The following CBLL1 variants were observed in gnomAD, a reference collection of about 807,000 sequenced individuals.
The protein encoded by CBLL1 is E3 ubiquitin-protein ligase Hakai.
CBLL1 carries 4 observed loss-of-function variants against 44.9 expected under a neutral mutation model. The observed-to-expected ratio is 0.09, with a 90% confidence interval of 0.04 to 0.20. The LOEUF (loss-of-function observed/expected upper bound fraction) is 0.20, where lower values mean the gene tolerates loss of function less well. Ranked by LOEUF, CBLL1 falls within the 10% of genes least tolerant of loss-of-function variation. CBLL1 has a pLI of 1.00. For missense variants in CBLL1, 569 were observed against 636.7 expected, an observed-to-expected ratio of 0.89 and a Z score of 1.14; for synonymous variants, 235 against 202.2, an observed-to-expected ratio of 1.16 and a Z score of -1.38.
At position 107,753,342 on chromosome 7, in the gene CBLL1, A is replaced by G. The variant is rs1012141448; in HGVS notation, c.182-69A>G. 3.0e-6 allele frequency: 3 copies of G among 995,134 alleles called. No homozygotes were observed. In the Admixed American group the frequency reaches 7.7e-5, roughly 25 times the overall value. 61.6% of individuals were successfully genotyped at this position (995,134 alleles called of 1,614,324 possible). A position where few individuals can be genotyped will look rare whatever the true frequency, so the allele number is the denominator to read the frequency against. On this transcript the variant is annotated intron_variant, in intron 2 of 5. Coordinates refer to ENST00000440859, the MANE Select transcript of CBLL1 (RefSeq NM_024814.4). ...TTTTAGTGAAAAGGTCTATTTTGCC[A>G]TGTATATGTGCTTCCAAAATGAAAT...
intron 2 of CBLL1, chr7:107,749,336 C>T (rs933540351): frequency 9.6e-6 from 2 of 207,844 alleles, no homozygotes; most frequent in Non-Finnish European, 1.9e-5. Flanking sequence ...CAAAGATAAT[C>T]CCTGTTGACT....
chr7:107,752,883 A>G (rs1793367085), intron 2 of CBLL1, among the ~76,000 whole-genome samples: 1 of 152,238 alleles, frequency 6.6e-6, no homozygotes, highest in South Asian at 2.1e-4. Flanking sequence ...TAAAGTGTCT[A>G]AATCACTCAT....
chr7:107,752,461 T>TGC, intron 2 of CBLL1: 3 of 518,530 alleles, frequency 5.8e-6, no homozygotes, highest in South Asian at 4.7e-5. Flanking sequence ...TGTGTGTGTG[T>TGC]GTGTCTGTGT....
rs943500757 is a variant in CBLL1, at chr7:107,748,917, G to C, written c.51G>C (p.Leu17Phe). The C allele has an allele frequency of 1.2e-6, 2 of 1,613,290 alleles. No individual in the cohort carries two copies. Among genetic ancestry groups the C allele is most frequent in the Admixed American group, 1.7e-5 (1 of 59,892 alleles). Reference protein sequence around the residue: ...ELQGTNSSGSLGGLDVRRRIP... With the variant: ...ELQGTNSSGSFGGLDVRRRIP... ...AAGGCACTAATAGTTCTGGATCCTT[G>C]GGTGGTCTTGATGTTCGCAGACGAA... The change falls in exon 2 of 6, where the codon TTG becomes TTC. Residue 17 changes from leucine to phenylalanine, a missense_variant. Coordinates refer to ENST00000440859, the MANE Select transcript of CBLL1 (RefSeq NM_024814.4).
intron 5 of CBLL1, 126 bp downstream of exon 5, chr7:107,755,617 C>A: frequency 2.1e-6 from 1 of 467,354 alleles, no homozygotes; most frequent in Non-Finnish European, 3.8e-6. Flanking sequence ...CATGGCTAAT[C>A]TTTTTCTGTG....
intron 4 of CBLL1, 139 bp downstream of exon 4, chr7:107,754,117 G>T: frequency 2.3e-6 from 1 of 426,138 alleles, no homozygotes; most frequent in Non-Finnish European, 4.2e-6. Flanking sequence ...GGGAAGTATT[G>T]GAATACTATG....
intron 1 of CBLL1, 139 bp downstream of exon 1, chr7:107,744,315 T>A: frequency 9.2e-7 from 1 of 1,090,928 alleles, no homozygotes; most frequent in Non-Finnish European, 1.3e-6. Flanking sequence ...CACAGATGCC[T>A]TCCTGTGCCC....
At chr7:107,752,694 C>A in intron 2 of CBLL1, 3 of 710,996 alleles carry the variant, frequency 4.2e-6, no homozygotes, top group Non-Finnish European at 5.9e-6. Context: ...GAGAAGATTG[C>A]CATCAACTTT....
intron 3 of CBLL1, 146 bp from the exon 4 acceptor site, chr7:107,753,749 A>T: frequency 3.7e-6 from 2 of 533,692 alleles, no homozygotes; most frequent in Non-Finnish European, 6.3e-6. Context: ...ATCACAACTA[A>T]TGGTGGGGAA....
chr7:107,748,887 G>GT lies in CBLL1; in HGVS notation c.23dup (p.Leu8PhefsTer5). 1 of 1,600,894 alleles carries GT rather than the reference G, an allele frequency of 6.2e-7. No individual in the cohort carries two copies. The highest frequency in any genetic ancestry group is 8.5e-7 in the Non-Finnish European group (1 of 1,175,116). ...TTTTTTTTCCTAACACAGACAATGA[G>GT]TTACAAGGCACTAATAGTTCTGGAT... On this transcript the variant is annotated frameshift_variant, in exon 2 of 6. Coordinates refer to ENST00000440859, the MANE Select transcript of CBLL1 (RefSeq NM_024814.4). LOFTEE classifies it high-confidence loss of function.
intron 5 of CBLL1, among the ~76,000 whole-genome samples, chr7:107,756,729 G>A (rs1793545057): frequency 6.6e-6 from 1 of 152,018 alleles, no homozygotes; most frequent in African/African-American, 2.4e-5. Flanking sequence ...ACTTCCCAAG[G>A]TACTAAATGT....
chr7:107,747,955 A>G (rs1793094530), intron 1 of CBLL1, among the ~76,000 whole-genome samples: 1 of 152,150 alleles, frequency 6.6e-6, no homozygotes, highest in Admixed American at 6.5e-5. Context: ...AAAATACGTT[A>G]TTTGTATTTC....
intron 2 of CBLL1, among the ~76,000 whole-genome samples, chr7:107,753,178 A>G (rs1171268969): frequency 6.6e-6 from 1 of 152,190 alleles, no homozygotes. Flanking sequence ...ATGTTGAGTT[A>G]TGAGTCTCCA....
In CBLL1 at chr7:107,753,963, A is replaced by G; in HGVS notation, c.351A>G (p.Lys117=). The G allele has an allele frequency of 1.9e-6, 3 of 1,582,798 alleles. No homozygotes were observed. The highest frequency in any genetic ancestry group is 2.6e-6 in the Non-Finnish European group (3 of 1,158,592). ...GTGACAAGTGTGGATTGCCTATTAA[A>G]ATCTATGGGAGAATGGTAAGTATAA... The part of the protein sequence containing the change: ...HFCDKCGLPI[K]IYGRMIPCKH... Residue 117 remains lysine, a synonymous_variant, in exon 4 of 6, where the codon AAA becomes AAG. Transcript: ENST00000440859.
At chr7:107,749,699 G>A (rs1322138482) in intron 2 of CBLL1, among the ~76,000 whole-genome samples, 1 of 150,038 alleles carries the variant, frequency 6.7e-6, no homozygotes, top group East Asian at 2.0e-4. Flanking sequence ...TAGTTTTAAA[G>A]GCTTTGGAAT....
rs746147506 is a variant in CBLL1, at chr7:107,753,437, C to T, written c.208C>T (p.Arg70Trp). 1.6e-5 allele frequency: 26 copies of T among 1,581,520 alleles called. No individual in the cohort carries two copies. The highest frequency in any genetic ancestry group is 2.0e-5 in the Non-Finnish European group (23 of 1,168,664). The change falls in exon 3 of 6, where the codon CGG becomes TGG. Residue 70 changes from arginine (R) to tryptophan (W), a missense_variant. This residue lies in a region of CBLL1 where 209 missense variants were observed against 202.8 expected (regional missense o/e 1.03). Coordinates refer to ENST00000440859, the MANE Select transcript of CBLL1 (RefSeq NM_024814.4). ...EEGFDYNEEE[R>W]YDCKGGELFA... is the part of the protein sequence containing the mutation. ...AGGATTTGATTATAATGAAGAAGAA[C>T]GGTATGACTGTAAAGGGGGTGAGCT...
Position 107,761,637 on chromosome 7 carries a change from T to TA in CBLL1, c.*2464dup, listed in dbSNP as rs1183948563. The TA allele has an allele frequency of 6.6e-6, 1 of 152,154 alleles. No individual in the cohort carries two copies. The highest frequency in any genetic ancestry group is 1.5e-5 in the Non-Finnish European group (1 of 67,878). 9.4% of individuals were successfully genotyped at this position (152,154 alleles called of 1,614,324 possible). On this transcript the variant is annotated 3_prime_UTR_variant, in exon 6 of 6. Coordinates refer to ENST00000440859, the MANE Select transcript of CBLL1 (RefSeq NM_024814.4). ...ACTACTGAGGTGGCAGTTTAATTCT[T>TA]AAAAACAATAAAATGGAAGCATAAA...
At chr7:107,753,564 A>T in intron 3 of CBLL1, 53 bp downstream of exon 3, 19 of 988,900 alleles carry the variant, frequency 1.9e-5, no homozygotes, top group Non-Finnish European at 2.6e-5. Context: ...TTTAAGTATT[A>T]AATACTTAAA....
intron 2 of CBLL1, among the ~76,000 whole-genome samples, chr7:107,750,162 T>C (rs1793220888): frequency 6.6e-6 from 1 of 152,088 alleles, no homozygotes; most frequent in Non-Finnish European, 1.5e-5. Context: ...TTGCCCAGGC[T>C]GGTTTTGAAC....
Sources: allele counts gnomAD v4.1 joint callset (sites outside exome capture counted in the v4.1 genomes callset), GRCh38; gene constraint gnomAD v4.1.1; regional missense constraint gnomAD v4.1.1; transcripts MANE v1.5; gene names NCBI Gene and HGNC (gene_info 2026-07-23, HGNC 2026-07-21).